Variants in ASB5 observed in about 807,000 individuals in gnomAD.
The protein encoded by ASB5 is ankyrin repeat and SOCS box containing 5.
Under a neutral mutation model 42.1 loss-of-function variants are expected in ASB5, and 45 were observed. The ratio of observed to expected loss-of-function variants is 1.07; its 90% CI spans 0.84 to 1.37. ASB5 has a LOEUF of 1.37. Among genes scored for constraint, ASB5 ranks in the 40% most tolerant of loss-of-function variants. ASB5 has a pLI of 0.00. For missense variants in ASB5, 402 were observed against 399.8 expected (o/e 1.01, Z -0.05); for synonymous variants, 147 against 150.6 (o/e 0.98, Z 0.18).
intron 1 of ASB5, among the ~76,000 whole-genome samples, chr4:176,252,246 A>C (rs937356433): frequency 6.6e-6 from 1 of 152,120 alleles, no homozygotes; most frequent in Non-Finnish European, 1.5e-5. Flanking sequence ...TATAGATTCA[A>C]CTTCGGACAG....
chr4:176,241,420 C>A, intron 1 of ASB5: 3 of 1,476,062 alleles, frequency 2.0e-6, no homozygotes, highest in East Asian at 2.5e-5. Context: ...AAAATAAAAC[C>A]TCCTTAAATC....
intron 5 of ASB5, among the ~76,000 whole-genome samples, chr4:176,219,294 ATTTGTATGATATATAAATATATAT>A (rs1753101993): frequency 9.2e-6 from 1 of 109,250 alleles, no homozygotes; most frequent in African/African-American, 3.5e-5. Context: ...AAATATATAT[ATTTGTATGATATATAAATATATAT>A]ATTTGTATGA....
At chr4:176,236,721 C>T (rs547037107) in intron 1 of ASB5, among the ~76,000 whole-genome samples, 1 of 152,000 alleles carries the variant, frequency 6.6e-6, no homozygotes, top group African/African-American at 2.4e-5. Flanking sequence ...CATTTTCGAC[C>T]CTTAAATTTA....
chr4:176,241,377 T>A, intron 1 of ASB5: 1 of 1,114,082 alleles, frequency 9.0e-7, no homozygotes, highest in Non-Finnish European at 1.2e-6. Flanking sequence ...GAATGTTTAC[T>A]CCAAAATTAC....
chr4:176,223,072 C>G (rs186645121), intron 2 of ASB5, among the ~76,000 whole-genome samples: 1 of 152,150 alleles, frequency 6.6e-6, no homozygotes, highest in Non-Finnish European at 1.5e-5. Flanking sequence ...GCCACCGCGC[C>G]CGGCCAACTT....
chr4:176,261,930 T>A (rs1754274567), intron 1 of ASB5, among the ~76,000 whole-genome samples: 1 of 150,882 alleles, frequency 6.6e-6, no homozygotes, highest in South Asian at 2.1e-4. Flanking sequence ...ATATATTAGT[T>A]ATGTATTACA....
At chr4:176,263,115 T>C (rs1004644310) in intron 1 of ASB5, among the ~76,000 whole-genome samples, 6 of 152,134 alleles carry the variant, frequency 3.9e-5, no homozygotes, top group African/African-American at 1.4e-4. Flanking sequence ...TCTATTAGTT[T>C]CGGAGAGTTC....
At chr4:176,232,536 G>A (rs1405094819) in intron 1 of ASB5, among the ~76,000 whole-genome samples, 1 of 152,120 alleles carries the variant, frequency 6.6e-6, no homozygotes, top group East Asian at 1.9e-4. Context: ...CTAATTTCAT[G>A]TTACTTTTCT....
intron 1 of ASB5, among the ~76,000 whole-genome samples, chr4:176,256,819 G>A (rs1408621291): frequency 1.3e-5 from 2 of 152,054 alleles, no homozygotes; most frequent in African/African-American, 4.8e-5. Flanking sequence ...TGCACCTGTA[G>A]TCCCAGCTAC....
At chr4:176,234,276 C>T (rs1753627532) in intron 1 of ASB5, among the ~76,000 whole-genome samples, 1 of 152,188 alleles carries the variant, frequency 6.6e-6, no homozygotes, top group South Asian at 2.1e-4. Context: ...GCTCTGATCT[C>T]GGGTTCTACC....
intron 1 of ASB5, among the ~76,000 whole-genome samples, chr4:176,231,280 T>G (rs1375677686): frequency 6.6e-6 from 1 of 152,104 alleles, no homozygotes; most frequent in Non-Finnish European, 1.5e-5. Context: ...ATTTGCCAGT[T>G]CTGTTCGGCC....
At chr4:176,265,876 G>A (rs972542776) in intron 1 of ASB5, among the ~76,000 whole-genome samples, 4 of 152,148 alleles carry the variant, frequency 2.6e-5, no homozygotes, top group African/African-American at 9.7e-5. Context: ...GGATGATACA[G>A]GAGGTAGTTA....
At chr4:176,261,252 C>G (rs902976716) in intron 1 of ASB5, among the ~76,000 whole-genome samples, 2 of 152,120 alleles carry the variant, frequency 1.3e-5, no homozygotes, top group African/African-American at 4.8e-5. Flanking sequence ...GGTATTCCAT[C>G]TTCTCTGAGA....
At chr4:176,270,715 T>C (rs1363267472), upstream of ASB5, among the ~76,000 whole-genome samples, 1 of 152,080 alleles carries the variant, frequency 6.6e-6, no homozygotes, top group Non-Finnish European at 1.5e-5. Flanking sequence ...ATTAACAAAA[T>C]GTTCCTCTCT....
chr4:176,259,182 C>T (rs953732680), intron 1 of ASB5, among the ~76,000 whole-genome samples: 1 of 152,086 alleles, frequency 6.6e-6, no homozygotes. Context: ...TTTATTCTTT[C>T]CTGGATGCAA....
upstream of ASB5, among the ~76,000 whole-genome samples, chr4:176,270,817 C>T (rs1365745535): frequency 6.6e-6 from 1 of 152,182 alleles, no homozygotes; most frequent in Non-Finnish European, 1.5e-5. Flanking sequence ...CCTGACTCCA[C>T]ACTAGAGAGG....
In ASB5 at chr4:176,228,296, C is replaced by A. The variant is rs1479193763; in HGVS notation, c.197-2955G>T. Among the ~76,000 whole-genome samples, 2 of 151,728 alleles carry A rather than the reference C, an allele frequency of 1.3e-5. 1 individual carries two copies. Among genetic ancestry groups the A allele is most frequent in the South Asian group, 4.2e-4 (2 of 4,818 alleles). On this transcript the variant is annotated intron_variant, in intron 1 of 6. Transcript: ENST00000296525. ...GCAAATTTCTTCTGCTCCCTGATGT[C>A]GAGAGAAAAAAAGACAATGACAGTT... is the stretch of plus-strand genomic sequence containing the variant.
intron 5 of ASB5, among the ~76,000 whole-genome samples, chr4:176,219,091 GATATATAAATAT>G (rs1459251416): frequency 1.2e-3 from 44 of 35,960 alleles, no homozygotes; most frequent in Admixed American, 2.4e-3. Context: ...ATATTTGTAT[GATATATAAATAT>G]ATATATATAT....
intron 2 of ASB5, among the ~76,000 whole-genome samples, chr4:176,223,863 G>C (rs186953054): frequency 1.3e-5 from 2 of 152,306 alleles, no homozygotes; most frequent in African/African-American, 4.8e-5. Flanking sequence ...TCCTAAGACT[G>C]CTCTTCTTCA....
Sources: gnomAD v4.1 joint callset for allele counts (sites outside exome capture counted in the v4.1 genomes callset) on GRCh38, gnomAD v4.1.1 for gene constraint, MANE v1.5 for transcripts, NCBI Gene and HGNC (gene_info 2026-07-23, HGNC 2026-07-21) for gene names.